Variants in MOBP observed in about 807,000 individuals in gnomAD.
MOBP encodes the protein myelin associated oligodendrocyte basic protein.
Under a neutral mutation model 15.0 loss-of-function variants are expected in MOBP, and 5 were observed. The observed-to-expected ratio is 0.33, with a 90% confidence interval of 0.17 to 0.70. The LOEUF (loss-of-function observed/expected upper bound fraction) is 0.70. Ranked by LOEUF, MOBP falls within the 30% of genes least tolerant of loss-of-function variation. The probability of loss-of-function intolerance (pLI) is 0.67; values close to 1 mark genes in which losing one functional copy is unlikely to be tolerated. For missense variants in MOBP, 188 were observed against 257.8 expected, an observed-to-expected ratio of 0.73 and a Z score of 1.85; for synonymous variants, 88 against 99.0, an observed-to-expected ratio of 0.89 and a Z score of 0.66.
At chr3:39,496,401 G>C (rs1230412152) in intron 2 of MOBP, among the ~76,000 whole-genome samples, 1 of 151,544 alleles carries the variant, frequency 6.6e-6, no homozygotes, top group African/African-American at 2.4e-5. Flanking sequence ...GGGTTTCACC[G>C]TGTTAGCCAG....
At chr3:39,515,779 G>T (rs2043194189) in exon 5 of MOBP, 1 of 152,260 alleles carries the variant, frequency 6.6e-6, no homozygotes, top group Non-Finnish European at 1.5e-5. Context: ...AAAACTCGGT[G>T]CTGTTTCCAT....
exon 5 of MOBP, chr3:39,514,162 A>T (rs754077799): frequency 6.6e-6 from 1 of 152,262 alleles, no homozygotes; most frequent in Non-Finnish European, 1.5e-5. Context: ...CCAACCTTAC[A>T]TGAGGCTTTT....
downstream of MOBP, among the ~76,000 whole-genome samples, chr3:39,504,099 G>A (rs997125814): frequency 2.0e-5 from 3 of 152,098 alleles, no homozygotes; most frequent in African/African-American, 4.8e-5. Context: ...ATAAATTTAT[G>A]GTACCAAAAG....
chr3:39,496,487 C>T (rs1018394359), intron 2 of MOBP, among the ~76,000 whole-genome samples: 13 of 150,296 alleles, frequency 8.6e-5, no homozygotes, highest in Non-Finnish European at 1.2e-4. Flanking sequence ...GCGTGAGCCA[C>T]CACGCCTGGC....
chr3:39,483,688 G>A (rs2042658761), intron 2 of MOBP, among the ~76,000 whole-genome samples: 2 of 152,118 alleles, frequency 1.3e-5, no homozygotes, highest in Non-Finnish European at 2.9e-5. Context: ...CTACGTATGT[G>A]TACATTCAAA....
At chr3:39,523,313 C>A (rs1425515106) in intron 3 of MOBP, among the ~76,000 whole-genome samples, 1 of 152,200 alleles carries the variant, frequency 6.6e-6, no homozygotes, top group Non-Finnish European at 1.5e-5. Context: ...ATTCGCCTCT[C>A]AGTATAATCT....
At chr3:39,524,899 T>A (rs368245562), downstream of MOBP, 1 of 152,116 alleles carries the variant, frequency 6.6e-6, no homozygotes, top group South Asian at 2.1e-4. Context: ...ACACATTAGA[T>A]AGATAAATTT....
chr3:39,521,481 G>A (rs2043266113), intron 3 of MOBP, among the ~76,000 whole-genome samples: 1 of 152,066 alleles, frequency 6.6e-6, no homozygotes, highest in African/African-American at 2.4e-5. Context: ...ACCAACTTTT[G>A]CTCTTCACTC....
At chr3:39,499,065 G>C (rs2042931142) in intron 2 of MOBP, among the ~76,000 whole-genome samples, 1 of 152,172 alleles carries the variant, frequency 6.6e-6, no homozygotes, top group Non-Finnish European at 1.5e-5. Context: ...TGAGCCGTTT[G>C]GGAAAAGGTG....
intron 2 of MOBP, among the ~76,000 whole-genome samples, chr3:39,496,191 TTTTTTTTC>T (rs1452772000): frequency 7.5e-6 from 1 of 133,862 alleles, no homozygotes; most frequent in African/African-American, 3.3e-5. Flanking sequence ...TTTCTTTTTC[TTTTTTTTC>T]TTTTTTTTTT....
chr3:39,485,008 T>C (rs902462853), intron 2 of MOBP, among the ~76,000 whole-genome samples: 3 of 152,222 alleles, frequency 2.0e-5, no homozygotes, highest in Non-Finnish European at 4.4e-5. Flanking sequence ...AGGACTCTCT[T>C]ATGTTTTCAT....
intron 4 of MOBP, among the ~76,000 whole-genome samples, chr3:39,509,517 T>G (rs1419343354): frequency 6.6e-6 from 1 of 152,210 alleles, no homozygotes; most frequent in Non-Finnish European, 1.5e-5. Context: ...GACACTTATT[T>G]GGTGAAATCT....
downstream of MOBP, among the ~76,000 whole-genome samples, chr3:39,520,537 A>AGTGTGT (rs5848515): frequency 6.1e-4 from 88 of 144,700 alleles, 1 homozygote; most frequent in Middle Eastern, 0.01. Context: ...TGTGTTCATG[A>AGTGTGT]GTGTGTGTGT....
Position 39,502,991 on chromosome 3 carries a change from T to A in MOBP, c.*111T>A. 1 of 592,982 alleles carries A rather than the reference T, an allele frequency of 1.7e-6. No individual in the cohort carries two copies. The highest frequency in any genetic ancestry group is 2.9e-6 in the Non-Finnish European group (1 of 340,268). The allele number at this position is 592,982 out of a possible 1,614,324, so 36.7% of individuals were successfully genotyped here. On this transcript the variant is annotated 3_prime_UTR_variant, in exon 4 of 4. Coordinates refer to ENST00000684792, the MANE Select transcript of MOBP (RefSeq NM_001393704.1). The surrounding 1 kb of genome is among the most constrained non-coding windows in gnomAD (Gnocchi z 6.3). Reference sequence around the variant, plus strand: ...CTTCAGCCTTATTACCCAACCTGTGTAATCAGCTCCCTCCATTAAATCCCC... The same window carrying A: ...CTTCAGCCTTATTACCCAACCTGTGAAATCAGCTCCCTCCATTAAATCCCC...
intron 4 of MOBP, among the ~76,000 whole-genome samples, chr3:39,509,383 G>A (rs1383950589): frequency 6.6e-6 from 1 of 152,054 alleles, no homozygotes; most frequent in Non-Finnish European, 1.5e-5. Context: ...GGTACTATCA[G>A]CTTTAAAAAT....
intron 2 of MOBP, among the ~76,000 whole-genome samples, chr3:39,484,871 G>A (rs2042679029): frequency 6.6e-6 from 1 of 152,228 alleles, no homozygotes; most frequent in Non-Finnish European, 1.5e-5. Flanking sequence ...TTATGAGATA[G>A]TTGCAGGTGG....
At chr3:39,479,016 G>C (rs1376505470) in intron 1 of MOBP, among the ~76,000 whole-genome samples, 1 of 152,032 alleles carries the variant, frequency 6.6e-6, no homozygotes, top group Non-Finnish European at 1.5e-5. Flanking sequence ...TTTTAGTAGA[G>C]ACGGGGCTTC....
intron 3 of MOBP, among the ~76,000 whole-genome samples, chr3:39,523,226 G>C (rs1215677169): frequency 1.3e-5 from 2 of 152,126 alleles, no homozygotes; most frequent in African/African-American, 2.4e-5. Context: ...CCTCTGCCCT[G>C]AGCAATATTT....
downstream of MOBP, among the ~76,000 whole-genome samples, chr3:39,507,085 AT>A (rs1313635337): frequency 2.0e-5 from 3 of 152,146 alleles, no homozygotes; most frequent in Non-Finnish European, 2.9e-5. Context: ...CTCTGCTTAT[AT>A]GATTTTGCCT....
Sources: allele counts gnomAD v4.1 joint callset (sites outside exome capture counted in the v4.1 genomes callset), GRCh38; gene constraint gnomAD v4.1.1; non-coding constraint Gnocchi (gnomAD v3.1); transcripts MANE v1.5; gene names NCBI Gene and HGNC (gene_info 2026-07-23, HGNC 2026-07-21).